CNTN2: variants seen among roughly 807,000 people sequenced by gnomAD.
CNTN2 encodes the protein contactin-2.
A neutral mutation model predicts 117.5 loss-of-function variants in CNTN2; 53 were observed. That is an observed-to-expected ratio of 0.45 (90% CI 0.36 to 0.57). The LOEUF (loss-of-function observed/expected upper bound fraction) is 0.57, where lower values mean the gene tolerates loss of function less well. CNTN2 is among the 20% of genes least tolerant of loss of function. The probability of loss-of-function intolerance (pLI) is 0.00; values close to 1 mark genes in which losing one functional copy is unlikely to be tolerated. For synonymous variants in CNTN2, 530 were observed against 561.7 expected (o/e 0.94, Z 0.80); for missense variants, 1,106 against 1,404.3 (o/e 0.79, Z 3.39).
At chr1:205,047,620 C>T (rs1296749635) in intron 1 of CNTN2, among the ~76,000 whole-genome samples, 2 of 152,104 alleles carry the variant, frequency 1.3e-5, no homozygotes, top group Non-Finnish European at 2.9e-5. Context: ...CTAGTGCTTA[C>T]CTATGACCAT....
Position 205,066,432 on chromosome 1 carries a change from T to C in CNTN2, c.1817-9T>C. On this transcript the variant is annotated splice_polypyrimidine_tract_variant and intron_variant, in intron 14 of 22. Transcript: ENST00000331830. ...TTCTGACCCACTGTGCTCTGACCTC[T>C]TGGTGCAGGTCCGCCAGGTCCCCCA... The C allele has an allele frequency of 6.2e-7, 1 of 1,613,188 alleles. No homozygotes were observed. The highest frequency in any genetic ancestry group is 1.1e-5 in the South Asian group (1 of 90,948).
At chr1:205,043,966 G>T (rs2096436579) in intron 1 of CNTN2, among the ~76,000 whole-genome samples, 1 of 152,154 alleles carries the variant, frequency 6.6e-6, no homozygotes, top group Non-Finnish European at 1.5e-5. Flanking sequence ...GCCTGTCCAG[G>T]AACTGGGACT....
At chr1:205,070,354 C>T in intron 18 of CNTN2, 72 bp from the exon 19 acceptor site, 2 of 1,099,116 alleles carry the variant, frequency 1.8e-6, no homozygotes, top group Non-Finnish European at 2.7e-6. Context: ...CAAAGGCAAT[C>T]CTGGTTGGGG....
At position 205,058,281 on chromosome 1, in the gene CNTN2, G is replaced by A; in HGVS notation, c.316G>A (p.Ala106Thr). Residue 106 changes from alanine to threonine, a missense_variant, in exon 4 of 23, where the codon GCC (alanine) becomes ACC (threonine). Transcript: ENST00000331830. This position sits in a 1 kb window ranked among gnomAD's most constrained non-coding sequence, Gnocchi z 4.3. ...VIMNPTKAQD[A>T]GVYQCLASNP... ...CATGAACCCCACCAAGGCACAGGATGCCGGGGTCTACCAGTGCCTGGCCTC... is the reference window on the plus strand; with the variant it reads ...CATGAACCCCACCAAGGCACAGGATACCGGGGTCTACCAGTGCCTGGCCTC... 6.5e-7 allele frequency: 1 copy of A among 1,536,476 alleles called. No homozygotes were observed. Among genetic ancestry groups the A allele is most frequent in the Non-Finnish European group, 8.8e-7 (1 of 1,141,442 alleles).
In CNTN2 at chr1:205,057,929, T is replaced by A. The variant is rs751219033; in HGVS notation, c.79T>A (p.Ser27Thr). Reference sequence around the variant, plus strand: ...GGTGTCATCACCTGCAGCTTGGAGTTCAGCCCTGGGATCCCAAACCACCTT... The same window carrying A: ...GGTGTCATCACCTGCAGCTTGGAGTACAGCCCTGGGATCCCAAACCACCTT... ...VALVSSSAWS[S>T]ALGSQTTFGP... is the part of the protein sequence containing the mutation. Residue 27 changes from serine to threonine, a missense_variant, in exon 3 of 23, where the codon TCA becomes ACA. By Grantham distance (58) the Ser-to-Thr change is moderately conservative (BLOSUM62 1). Coordinates refer to ENST00000331830, the MANE Select transcript of CNTN2 (RefSeq NM_005076.5). 1 of 1,613,764 alleles carries A rather than the reference T, an allele frequency of 6.2e-7. No individual in the cohort carries two copies. The highest frequency in any genetic ancestry group is 2.2e-5 in the East Asian group (1 of 44,856).
rs1013812929 is a variant in CNTN2, at chr1:205,074,823, G to C, written c.*1058G>C. The C allele has an allele frequency of 2.5e-6, 1 of 398,564 alleles. No individual in the cohort carries two copies. The highest frequency in any genetic ancestry group is 4.4e-5 in the Admixed American group (1 of 22,712). 24.7% of individuals were successfully genotyped at this position (398,564 alleles called of 1,614,324 possible). A position where few individuals can be genotyped will look rare whatever the true frequency, so the allele number is the denominator to read the frequency against. ...TGGTATTGGGAGGTTTCTGGGAAGG[G>C]CAGAGGATAAATGTGGCCCTGCCTG... is the stretch of plus-strand genomic sequence containing the variant. On this transcript the variant is annotated 3_prime_UTR_variant, in exon 23 of 23. Coordinates refer to ENST00000331830, the MANE Select transcript of CNTN2 (RefSeq NM_005076.5).
At chr1:205,066,692 G>A (rs1053055775) in intron 15 of CNTN2, 93 bp downstream of exon 15, 103 of 1,444,444 alleles carry the variant, frequency 7.1e-5, no homozygotes, top group Non-Finnish European at 8.0e-5. Flanking sequence ...GGGTCTGAGG[G>A]CCAGGGCTGA....
At position 205,074,115 on chromosome 1, in the gene CNTN2, C is replaced by A; in HGVS notation, c.*350C>A. ...TCAGCAGAGATGGCCCTCTGGGACC[C>A]TATACGGACTCCGCCACTTGAGAGC... On this transcript the variant is annotated 3_prime_UTR_variant, in exon 23 of 23. Coordinates refer to ENST00000331830, the MANE Select transcript of CNTN2 (RefSeq NM_005076.5). The A allele has an allele frequency of 1.9e-6, 1 of 538,588 alleles. No homozygotes were observed. The allele number at this position is 538,588 out of a possible 1,614,324, so 33.4% of individuals were successfully genotyped here.
Position 205,059,175 on chromosome 1 carries a change from C to T in CNTN2, c.579C>T (p.Tyr193=). The T allele has an allele frequency of 6.2e-7, 1 of 1,614,224 alleles. No homozygotes were observed. Among genetic ancestry groups the T allele is most frequent in the Non-Finnish European group, 8.5e-7 (1 of 1,180,038 alleles). ...TGTCCCAGACCACAGGGAACCTGTA[C>T]ATTGCCCGAACCAATGCCTCAGACC... is the stretch of plus-strand genomic sequence containing the variant. ...HFVSQTTGNL[Y]IARTNASDLG... Residue 193 remains tyrosine, a synonymous_variant, in exon 6 of 23, where the codon TAC becomes TAT. Coordinates refer to ENST00000331830, the MANE Select transcript of CNTN2 (RefSeq NM_005076.5). The surrounding 1 kb of genome is among the most constrained non-coding windows in gnomAD (Gnocchi z 5.6).
Position 205,061,406 on chromosome 1 carries a change from G to A in CNTN2, c.959G>A (p.Arg320His), listed in dbSNP as rs769682523. ...NSKGRDTVQGRIIVQAQPEWL... is the reference protein window; with the variant it reads ...NSKGRDTVQGHIIVQAQPEWL... ...AAGGGCCGAGACACCGTGCAGGGCC[G>A]CATCATCGTGCAGGGTACAGAGCCA... Residue 320 changes from arginine to histidine, a missense_variant, in exon 8 of 23, where the codon CGC (arginine) becomes CAC (histidine). Coordinates refer to ENST00000331830, the MANE Select transcript of CNTN2 (RefSeq NM_005076.5). This position sits in a 1 kb window ranked among gnomAD's most constrained non-coding sequence, Gnocchi z 4.8. The A allele has an allele frequency of 1.8e-5, 29 of 1,609,804 alleles. No homozygotes were observed. The highest frequency in any genetic ancestry group is 5.5e-5 in the South Asian group (5 of 90,494).
chr1:205,057,795 A>G (rs1331563130), intron 2 of CNTN2, 126 bp from the exon 3 acceptor site: 3 of 1,188,910 alleles, frequency 2.5e-6, no homozygotes, highest in Admixed American at 2.3e-5. Context: ...TGGTTACCAC[A>G]TTGAACAGTG....
In CNTN2 at chr1:205,062,553, C is replaced by G. The variant is rs374199117; in HGVS notation, c.1224C>G (p.Ala408=). ...ENKHGTIYAS[A]ELAVQALAPD... is the part of the protein sequence containing the mutation. ...AGCACGGTACCATCTACGCCAGCGC[C>G]GAGCTAGCCGTGCAAGGTAAGGGGC... Residue 408 remains alanine (A), a synonymous_variant, in exon 10 of 23, where the codon GCC becomes GCG. Coordinates refer to ENST00000331830, the MANE Select transcript of CNTN2 (RefSeq NM_005076.5). 1.3e-5 allele frequency: 21 copies of G among 1,613,218 alleles called. No homozygotes were observed. In the South Asian group the frequency reaches 2.2e-4, roughly 17 times the overall value.
chr1:205,055,985 A>C (rs2096460268), intron 2 of CNTN2, among the ~76,000 whole-genome samples: 1 of 152,164 alleles, frequency 6.6e-6, no homozygotes, highest in South Asian at 2.1e-4. Flanking sequence ...ATGTGTGTGT[A>C]AATGTATGTA....
chr1:205,072,272 A>C, intron 20 of CNTN2, 139 bp downstream of exon 20: 1 of 949,462 alleles, frequency 1.1e-6, no homozygotes, highest in Middle Eastern at 3.4e-4. Flanking sequence ...AGCGAGCCTA[A>C]TGGAAATAAG....
At position 205,071,993 on chromosome 1, in the gene CNTN2, T is replaced by C; in HGVS notation, c.2591T>C (p.Val864Ala). 1 of 1,613,860 alleles carries C rather than the reference T, an allele frequency of 6.2e-7. No individual in the cohort carries two copies. The highest frequency in any genetic ancestry group is 8.5e-7 in the Non-Finnish European group (1 of 1,179,938). ...AGDKEAAADR[V>A]RTAGLDTSAR... ...GACAAAGAAGCAGCTGCGGACCGAG[T>C]GAGGACAGCAGGGCTGGACACCAGT... The change falls in exon 20 of 23, where the codon GTG becomes GCG. Residue 864 changes from valine to alanine, a missense_variant. Val to Ala is a moderately conservative substitution (Grantham distance 64). Coordinates refer to ENST00000331830, the MANE Select transcript of CNTN2 (RefSeq NM_005076.5).
At chr1:205,054,128 C>T (rs1270857896) in intron 2 of CNTN2, among the ~76,000 whole-genome samples, 1 of 152,234 alleles carries the variant, frequency 6.6e-6, no homozygotes, top group East Asian at 1.9e-4. Context: ...TCTGCCCTGA[C>T]CCTCAGCCCA....
At position 205,065,241 on chromosome 1, in the gene CNTN2, G is replaced by A. The variant is rs777742402; in HGVS notation, c.1674G>A (p.Gly558=). The stretch of plus-strand genomic sequence containing the variant: ...CCATCGACTTTGATAAGCCTGGAGG[G>A]CACTACCGGAGAACTAATGTGGTGA... The part of the protein sequence containing the change: ...DFPIDFDKPG[G]HYRRTNVKET... Residue 558 remains glycine, a synonymous_variant, in exon 13 of 23, where the codon GGG becomes GGA. Coordinates refer to ENST00000331830, the MANE Select transcript of CNTN2 (RefSeq NM_005076.5). The surrounding 1 kb of genome is among the most constrained non-coding windows in gnomAD (Gnocchi z 4.1). The A allele has an allele frequency of 1.2e-6, 2 of 1,614,100 alleles. No individual in the cohort carries two copies. The highest frequency in any genetic ancestry group is 1.1e-5 in the South Asian group (1 of 91,070).
At chr1:205,057,087 A>G (rs1454497983) in intron 2 of CNTN2, 1 of 152,232 alleles carries the variant, frequency 6.6e-6, no homozygotes, top group African/African-American at 2.4e-5. Flanking sequence ...CCCACCCCAC[A>G]TGTGGCTCCA....
At position 205,075,683 on chromosome 1, in the gene CNTN2, C is replaced by T. The variant is rs1476802595; in HGVS notation, c.*1918C>T. ...TTTCCCTGCCACAGCCAAACCCCCA[C>T]TGCACCCTACCCACCCACCCCTAGC... On this transcript the variant is annotated 3_prime_UTR_variant, in exon 23 of 23. Coordinates refer to ENST00000331830, the MANE Select transcript of CNTN2 (RefSeq NM_005076.5). The T allele has an allele frequency of 6.6e-6, 1 of 152,180 alleles. No individual in the cohort carries two copies. Among genetic ancestry groups the T allele is most frequent in the African/African-American group, 2.4e-5 (1 of 41,404 alleles). The allele number at this position is 152,180 out of a possible 1,614,324, so 9.4% of individuals were successfully genotyped here.
Sources: gnomAD v4.1 joint callset for allele counts (sites outside exome capture counted in the v4.1 genomes callset) on GRCh38, gnomAD v4.1.1 for gene constraint, Gnocchi (gnomAD v3.1) non-coding constraint, MANE v1.5 for transcripts, NCBI Gene and HGNC (gene_info 2026-07-23, HGNC 2026-07-21) for gene names.